ARHGAP32: variants seen among roughly 807,000 people sequenced by gnomAD.
ARHGAP32 encodes Rho GTPase activating protein 32.
Under a neutral mutation model 186.5 loss-of-function variants are expected in ARHGAP32, and 51 were observed. The observed-to-expected ratio is 0.27, with a 90% CI of 0.22 to 0.35. The LOEUF (loss-of-function observed/expected upper bound fraction) is 0.35, where lower values mean the gene tolerates loss of function less well. Among genes scored for constraint, ARHGAP32 ranks in the 10% least tolerant of loss-of-function variants. ARHGAP32 has a pLI of 1.00. For synonymous variants in ARHGAP32, 950 were observed against 964.3 expected (o/e 0.99, Z 0.27); for missense variants, 2,186 against 2,623.5 (o/e 0.83, Z 3.64).
At chr11:129,055,177 G>A (rs75313433) in intron 10 of ARHGAP32, among the ~76,000 whole-genome samples, 1,772 of 152,330 alleles carry the variant, frequency 0.012, 34 homozygotes, top group African/African-American at 0.04. Flanking sequence ...ACAAAATGAA[G>A]AGAGCAGAAC....
chr11:129,275,697 A>C (rs919724613), intron 1 of ARHGAP32, among the ~76,000 whole-genome samples: 1 of 152,228 alleles, frequency 6.6e-6, no homozygotes, highest in Admixed American at 6.5e-5. Context: ...GTAGCCACAG[A>C]CCCAAGAATG....
At chr11:129,153,630 T>C (rs1207604037) in intron 2 of ARHGAP32, among the ~76,000 whole-genome samples, 1 of 152,028 alleles carries the variant, frequency 6.6e-6, no homozygotes, top group African/African-American at 2.4e-5. Context: ...AAAACATAAA[T>C]TGGGTAAGGG....
At position 128,978,761 on chromosome 11, in the gene ARHGAP32, G is replaced by A. The variant is rs774707297; in HGVS notation, c.2122+9C>T. 1 of 1,602,296 alleles carries A rather than the reference G, an allele frequency of 6.2e-7. No individual in the cohort carries two copies. Among genetic ancestry groups the A allele is most frequent in the Admixed American group, 1.8e-5 (1 of 56,934 alleles). The stretch of plus-strand genomic sequence containing the variant: ...CAGCAGCAGAAGTGAGAATCTCCCA[G>A]GCACTCACCTTTCAGAGCCATGGCT... On this transcript the variant is annotated intron_variant, in intron 19 of 22. Coordinates refer to ENST00000682385, the MANE Select transcript of ARHGAP32 (RefSeq NM_001378024.1).
intron 2 of ARHGAP32, among the ~76,000 whole-genome samples, chr11:129,156,662 T>C (rs896462402): frequency 1.3e-5 from 2 of 152,276 alleles, no homozygotes; most frequent in Non-Finnish European, 2.9e-5. Flanking sequence ...TCATCAGACC[T>C]AAACGTTCCT....
chr11:129,176,602 C>T (rs926997754), intron 1 of ARHGAP32, among the ~76,000 whole-genome samples: 15 of 150,652 alleles, frequency 1.0e-4, no homozygotes, highest in Non-Finnish European at 1.6e-4. Context: ...GACCACAGTG[C>T]AATCAAACTA....
At chr11:129,076,583 G>A (rs937435716) in intron 6 of ARHGAP32, among the ~76,000 whole-genome samples, 8 of 152,014 alleles carry the variant, frequency 5.3e-5, no homozygotes, top group Admixed American at 1.3e-4. Context: ...TAAAACATGG[G>A]TAAAAGAAGA....
chr11:129,093,590 T>C (rs768827966), intron 6 of ARHGAP32, 31 bp downstream of exon 6: 1 of 1,478,718 alleles, frequency 6.8e-7, no homozygotes, highest in Non-Finnish European at 9.4e-7. Context: ...CTTAACTTCA[T>C]ATGAAATGGA....
chr11:129,249,958 A>G (rs1945156985), intron 1 of ARHGAP32, among the ~76,000 whole-genome samples: 1 of 152,034 alleles, frequency 6.6e-6, no homozygotes, highest in African/African-American at 2.4e-5. Context: ...CACACCTGTA[A>G]TCTCAGCACT....
chr11:129,063,761 A>T, intron 9 of ARHGAP32, 141 bp downstream of exon 9: 1 of 935,932 alleles, frequency 1.1e-6, no homozygotes, highest in Non-Finnish European at 1.5e-6. Context: ...AGAAGATATT[A>T]CAGGCTGAAA....
At chr11:129,132,642 G>A (rs778641164) in intron 2 of ARHGAP32, among the ~76,000 whole-genome samples, 9 of 152,146 alleles carry the variant, frequency 5.9e-5, no homozygotes, top group Non-Finnish European at 1.2e-4. Flanking sequence ...TCAATAAGGA[G>A]TCAGAGTCTC....
At chr11:128,984,504 A>G (rs1945804859) in intron 15 of ARHGAP32, among the ~76,000 whole-genome samples, 1 of 152,216 alleles carries the variant, frequency 6.6e-6, no homozygotes, top group Non-Finnish European at 1.5e-5. Context: ...CTTTTCAAGA[A>G]CATCTAAGGA....
In ARHGAP32 at chr11:129,223,047, T is replaced by C. The variant is rs1306354598; in HGVS notation, c.-5+56099A>G. ...AACTTAATTGTTGTAATATATTTTG[T>C]CTAACTCAATACATCCAAATCATTA... On this transcript the variant is annotated intron_variant, in intron 1 of 6. Coordinates refer to the ARHGAP32 transcript ENST00000525234. Among the ~76,000 whole-genome samples the C allele has an allele frequency of 2.0e-5, 3 of 152,212 alleles. 1 individual carries two copies. Among genetic ancestry groups the C allele is most frequent in the East Asian group, 1.9e-4 (1 of 5,206 alleles).
In ARHGAP32 at chr11:128,967,896, C is replaced by T. The variant is rs917815345; in HGVS notation, c.*1011G>A. On this transcript the variant is annotated 3_prime_UTR_variant, in exon 23 of 23. Coordinates refer to ENST00000682385, the MANE Select transcript of ARHGAP32 (RefSeq NM_001378024.1). Reference sequence around the variant, plus strand: ...AAATTTATATTCATAATAAATTATGCGTGTCTATCCAGTCAAACCATGCTG... The same window carrying T: ...AAATTTATATTCATAATAAATTATGTGTGTCTATCCAGTCAAACCATGCTG... The T allele has an allele frequency of 2.1e-5, 3 of 141,074 alleles. No homozygotes were observed. Among genetic ancestry groups the T allele is most frequent in the Non-Finnish European group, 3.0e-5 (2 of 65,854 alleles). The allele number at this position is 141,074 out of a possible 1,614,324, so 8.7% of individuals were successfully genotyped here.
In ARHGAP32 at chr11:129,063,867, G is replaced by A. The variant is rs770520947; in HGVS notation, c.885+35C>T. The A allele has an allele frequency of 2.5e-6, 4 of 1,576,774 alleles. No individual in the cohort carries two copies. The East Asian group carries it at 6.8e-5, about 27-fold the overall frequency. ...AAAGATGAGGCCAGAAAGTTAGCAA[G>A]AACCAAATAACAAACAACCACTTTA... is the stretch of plus-strand genomic sequence containing the variant. On this transcript the variant is annotated intron_variant, in intron 9 of 22. Transcript: ENST00000682385.
Position 129,040,950 on chromosome 11 carries a change from C to A in ARHGAP32, c.1023G>T (p.Val341=). Residue 341 remains valine (V), a synonymous_variant, in exon 11 of 23, where the codon GTG becomes GTT. Transcript: ENST00000682385. Reference sequence around the variant, plus strand: ...CACCTGGTTTTGGCACTGAGTTGGTCACTGACTGGGGAACTTTTTGGTTAA... The same window carrying A: ...CACCTGGTTTTGGCACTGAGTTGGTAACTGACTGGGGAACTTTTTGGTTAA... ...ELINQKVPQS[V]TNSVPKPVSK... is the part of the protein sequence containing the mutation. 6.2e-7 allele frequency: 1 copy of A among 1,606,614 alleles called. No homozygotes were observed. The highest frequency in any genetic ancestry group is 1.1e-5 in the South Asian group (1 of 89,028).
At chr11:128,975,224 G>C (rs1376771110) in intron 20 of ARHGAP32, among the ~76,000 whole-genome samples, 1 of 152,124 alleles carries the variant, frequency 6.6e-6, no homozygotes, top group Admixed American at 6.5e-5. Flanking sequence ...TAGAATCAGA[G>C]GGCGAATGCA....
At chr11:129,198,734 T>A (rs1276848566) in intron 1 of ARHGAP32, among the ~76,000 whole-genome samples, 1 of 152,212 alleles carries the variant, frequency 6.6e-6, no homozygotes, top group African/African-American at 2.4e-5. Flanking sequence ...ACTAATACAG[T>A]AAACTGGTAC....
chr11:129,004,621 A>G (rs1937665596), intron 11 of ARHGAP32, among the ~76,000 whole-genome samples: 1 of 152,054 alleles, frequency 6.6e-6, no homozygotes, highest in Non-Finnish European at 1.5e-5. Flanking sequence ...CCATATAGTG[A>G]CATTCTTTGT....
intron 1 of ARHGAP32, among the ~76,000 whole-genome samples, chr11:129,272,211 T>C (rs1945481753): frequency 6.6e-6 from 1 of 152,176 alleles, no homozygotes; most frequent in Non-Finnish European, 1.5e-5. Flanking sequence ...AAGGCATCAG[T>C]AGCTCAAGAG....
Sources: gnomAD v4.1 joint callset for allele counts (sites outside exome capture counted in the v4.1 genomes callset) on GRCh38, gnomAD v4.1.1 for gene constraint, MANE v1.5 for transcripts, NCBI Gene and HGNC (gene_info 2026-07-23, HGNC 2026-07-21) for gene names.